The following TMPRSS2 variants were observed in gnomAD, a reference collection of about 807,000 sequenced individuals.
The protein encoded by TMPRSS2 is transmembrane protease serine 2.
A neutral mutation model predicts 67.4 loss-of-function variants in TMPRSS2; 59 were observed. The ratio of observed to expected loss-of-function variants is 0.88; its 90% CI spans 0.71 to 1.09. The LOEUF is 1.09. Ranked by LOEUF, TMPRSS2 falls within the 50% of genes least tolerant of loss-of-function variation. The probability of loss-of-function intolerance (pLI) is 0.00; values close to 1 mark genes in which losing one functional copy is unlikely to be tolerated. For synonymous variants in TMPRSS2, 257 were observed against 257.0 expected, an observed-to-expected ratio of 1.00 and a Z score of 0.00; for missense variants, 668 against 642.7, an observed-to-expected ratio of 1.04 and a Z score of -0.43.
At chr21:41,479,131 G>T (rs755711634) in intron 7 of TMPRSS2, 41 bp downstream of exon 7, 1 of 1,474,152 alleles carries the variant, frequency 6.8e-7, no homozygotes, top group South Asian at 1.1e-5. Flanking sequence ...TCTCCTAGTT[G>T]ATTTCATTCC....
At chr21:41,496,444 C>T (rs2091382964) in intron 2 of TMPRSS2, among the ~76,000 whole-genome samples, 3 of 152,226 alleles carry the variant, frequency 2.0e-5, no homozygotes, top group African/African-American at 7.2e-5. Flanking sequence ...CATTTTTGTG[C>T]AGAGGGTAGA....
intron 5 of TMPRSS2, chr21:41,487,439 TAGAC>T (rs1343534312): frequency 7.2e-5 from 11 of 152,324 alleles, no homozygotes; most frequent in Admixed American, 2.6e-4. Flanking sequence ...AAATCTTAGT[TAGAC>T]AGGAGGAATA....
chr21:41,468,342 G>A (rs561982326), intron 12 of TMPRSS2, 54 bp downstream of exon 12: 2 of 1,602,744 alleles, frequency 1.2e-6, no homozygotes, highest in South Asian at 1.1e-5. Context: ...TCTCTCATGG[G>A]GGGTTCAGTA....
At position 41,488,407 on chromosome 21, in the gene TMPRSS2, G is replaced by A. The variant is rs372286621; in HGVS notation, c.432C>T (p.Asp144=). The change falls in exon 5 of 14, where the codon GAC becomes GAT. Residue 144 remains aspartate (D), a synonymous_variant. Transcript: ENST00000332149. The part of the protein sequence containing the change: ...DGVSHCPGGE[D]ENRCVRLYGP... Reference sequence around the variant, plus strand: ...AGGCTGACTCACCACACCGATTCTCGTCCTCCCCGCCGGGGCAGTGTGACA... The same window carrying A: ...AGGCTGACTCACCACACCGATTCTCATCCTCCCCGCCGGGGCAGTGTGACA... 142 of 1,612,768 alleles carry A rather than the reference G, an allele frequency of 8.8e-5. No individual in the cohort carries two copies. The highest frequency in any genetic ancestry group is 5.2e-4 in the African/African-American group (39 of 75,004).
intron 6 of TMPRSS2, 52 bp downstream of exon 6, chr21:41,480,424 C>T (rs2146451397): frequency 3.8e-6 from 6 of 1,597,796 alleles, no homozygotes; most frequent in East Asian, 2.2e-5. Context: ...AGGGTCTTCT[C>T]GTGTTTCTGC....
intron 5 of TMPRSS2, among the ~76,000 whole-genome samples, chr21:41,482,064 A>G (rs958804550): frequency 6.6e-6 from 1 of 152,004 alleles, no homozygotes; most frequent in Admixed American, 6.6e-5. Context: ...CCGTCTCAAT[A>G]AATAAATAAA....
chr21:41,484,593 G>A (rs1423255850), intron 5 of TMPRSS2, among the ~76,000 whole-genome samples: 4 of 152,146 alleles, frequency 2.6e-5, no homozygotes, highest in African/African-American at 7.2e-5. Context: ...CATGCACAGC[G>A]TTATGTTTGT....
At chr21:41,476,660 G>C in intron 7 of TMPRSS2, 40 bp from the exon 8 acceptor site, 1 of 1,554,806 alleles carries the variant, frequency 6.4e-7, no homozygotes, top group Non-Finnish European at 8.9e-7. Flanking sequence ...ACGATAGTGC[G>C]GAGTCACCTG....
At chr21:41,494,626 T>G (rs368773451) in intron 2 of TMPRSS2, 48 bp from the exon 3 acceptor site, 1 of 1,532,808 alleles carries the variant, frequency 6.5e-7, no homozygotes, top group African/African-American at 1.4e-5. Context: ...TTATTTGCAC[T>G]AAAGGGTTAC....
At chr21:41,476,488 C>G in intron 8 of TMPRSS2, 89 bp downstream of exon 8, 22 of 1,357,820 alleles carry the variant, frequency 1.6e-5, no homozygotes, top group Non-Finnish European at 2.3e-5. Flanking sequence ...TTCCCTCCCA[C>G]GCCCCCAGAG....
intron 6 of TMPRSS2, among the ~76,000 whole-genome samples, chr21:41,480,038 C>T (rs149601802): frequency 5.5e-4 from 83 of 152,286 alleles, no homozygotes; most frequent in East Asian, 1.4e-3. Flanking sequence ...CCATGGCTCC[C>T]GAATGAAGTG....
rs1233986991 is a variant in TMPRSS2 at position 41,478,545 on chromosome 21, C to T, written c.683+627G>A. Among the ~76,000 whole-genome samples, 1 of 152,244 alleles carries T rather than the reference C, an allele frequency of 6.6e-6. No individual in the cohort carries two copies. Among genetic ancestry groups the T allele is most frequent in the East Asian group, 1.9e-4 (1 of 5,198 alleles). The stretch of plus-strand genomic sequence containing the variant: ...AAGGAAGAGCCTAAGTCCATCCCCT[C>T]TTCTGCCCTCCCAGCCAGGTCAGCC... On this transcript the variant is annotated intron_variant, in intron 7 of 13. Transcript: ENST00000332149. This position sits in a 1 kb window ranked among gnomAD's most constrained non-coding sequence, Gnocchi z 4.0.
Position 41,508,091 on chromosome 21 carries a change from C to CGG in TMPRSS2, c.-68_-67insCC. On this transcript the variant is annotated 5_prime_UTR_variant, in exon 1 of 14. Coordinates refer to ENST00000332149, the MANE Select transcript of TMPRSS2 (RefSeq NM_005656.4). ...ACCGGCGCCGCTCACCTGCCGCGCT[C>CGG]CAGGCGGCGCTCCCCGCCCCTCGCC... 1.6e-6 allele frequency: 2 copies of CGG among 1,230,892 alleles called. No homozygotes were observed. Among genetic ancestry groups the CGG allele is most frequent in the Non-Finnish European group, 2.1e-6 (2 of 964,660 alleles). The allele number at this position is 1,230,892 out of a possible 1,614,324, so 76.2% of individuals were successfully genotyped here. A position where few individuals can be genotyped will look rare whatever the true frequency, so the allele number is the denominator to read the frequency against.
intron 5 of TMPRSS2, among the ~76,000 whole-genome samples, chr21:41,485,019 A>G (rs1330201023): frequency 1.3e-5 from 2 of 151,908 alleles, no homozygotes; most frequent in African/African-American, 4.8e-5. Flanking sequence ...GAAGCAACTC[A>G]GATGAGTTGC....
intron 11 of TMPRSS2, 94 bp from the exon 12 acceptor site, chr21:41,468,632 A>C: frequency 7.2e-7 from 1 of 1,395,902 alleles, no homozygotes. Flanking sequence ...CACGCACTAC[A>C]CAGATGGTCA....
At chr21:41,507,392 C>T (rs2091465406) in intron 1 of TMPRSS2, among the ~76,000 whole-genome samples, 1 of 152,130 alleles carries the variant, frequency 6.6e-6, no homozygotes, top group Non-Finnish European at 1.5e-5. Flanking sequence ...TCCAGGAGGC[C>T]CCGGCCCTGA....
chr21:41,487,707 T>C (rs1450736056), intron 5 of TMPRSS2: 1 of 152,088 alleles, frequency 6.6e-6, no homozygotes, highest in East Asian at 1.9e-4. Flanking sequence ...GAAAATAAAA[T>C]GAAACAGATG....
chr21:41,499,800 A>G (rs2091411140), intron 1 of TMPRSS2, among the ~76,000 whole-genome samples: 1 of 152,096 alleles, frequency 6.6e-6, no homozygotes, highest in Non-Finnish European at 1.5e-5. Context: ...GTCTCATTGG[A>G]CGATTTTTTT....
At chr21:41,490,348 T>C (rs11911394) in intron 3 of TMPRSS2, among the ~76,000 whole-genome samples, 56,255 of 152,042 alleles carry the variant, frequency 0.37, 12,271 homozygotes, top group African/African-American at 0.6. Flanking sequence ...ATTTAGCGAA[T>C]GGATGCTACT....
Sources: allele counts gnomAD v4.1 joint callset (sites outside exome capture counted in the v4.1 genomes callset), GRCh38; gene constraint gnomAD v4.1.1; non-coding constraint Gnocchi (gnomAD v3.1); transcripts MANE v1.5; gene names NCBI Gene and HGNC (gene_info 2026-07-23, HGNC 2026-07-21).